The following PCMTD1 variants were observed in gnomAD, a reference collection of about 807,000 sequenced individuals.
PCMTD1 encodes protein-L-isoaspartate (D-aspartate) O-methyltransferase domain containing 1.
In PCMTD1, 12 loss-of-function variants were observed where a neutral mutation model predicts 37.6. The observed-to-expected ratio is 0.32, with a 90% CI of 0.20 to 0.52. The LOEUF (loss-of-function observed/expected upper bound fraction) is 0.52. Ranked by LOEUF, PCMTD1 falls within the 20% of genes least tolerant of loss-of-function variation. The pLI, the probability that PCMTD1 is intolerant of heterozygous loss-of-function variation, is 0.97. For synonymous variants in PCMTD1, 117 were observed against 135.8 expected, an observed-to-expected ratio of 0.86 and a Z score of 0.96; for missense variants, 235 against 421.3, an observed-to-expected ratio of 0.56 and a Z score of 3.87.
intron 1 of PCMTD1, among the ~76,000 whole-genome samples, chr8:51,861,941 T>C (rs769139215): frequency 6.6e-6 from 1 of 152,140 alleles, no homozygotes; most frequent in Non-Finnish European, 1.5e-5. Flanking sequence ...CTCAAACTCC[T>C]GAGCTCAAGA....
At chr8:51,886,060 C>G (rs2038861361) in intron 1 of PCMTD1, among the ~76,000 whole-genome samples, 1 of 152,220 alleles carries the variant, frequency 6.6e-6, no homozygotes, top group Non-Finnish European at 1.5e-5. Flanking sequence ...AAGGCTCTTT[C>G]CTCCAAACTG....
intron 3 of PCMTD1, among the ~76,000 whole-genome samples, chr8:51,842,820 C>G (rs2038166322): frequency 6.6e-6 from 1 of 151,996 alleles, no homozygotes; most frequent in South Asian, 2.1e-4. Context: ...AAGATCCAAA[C>G]CGGCAGCATA....
At chr8:51,861,990 A>G (rs796088469) in intron 1 of PCMTD1, among the ~76,000 whole-genome samples, 1 of 152,204 alleles carries the variant, frequency 6.6e-6, no homozygotes, top group Non-Finnish European at 1.5e-5. Flanking sequence ...CTGGGATAAC[A>G]GGCGTAAGCC....
At chr8:51,833,798 G>T in intron 3 of PCMTD1, 109 bp from the exon 4 acceptor site, 2 of 684,236 alleles carry the variant, frequency 2.9e-6, no homozygotes, top group South Asian at 2.7e-5. Context: ...TTAATTATAA[G>T]GATAAAATGA....
chr8:51,869,780 G>A (rs1448361014), intron 1 of PCMTD1, among the ~76,000 whole-genome samples: 10 of 152,154 alleles, frequency 6.6e-5, no homozygotes, highest in African/African-American at 2.4e-4. Flanking sequence ...GTCTGTTTGA[G>A]AAGGAAGTCA....
Position 51,817,792 on chromosome 8 carries a change from A to G in PCMTD1, c.*2559T>C, listed in dbSNP as rs1190362757. 3 of 455,998 alleles carry G rather than the reference A, an allele frequency of 6.6e-6. No homozygotes were observed. The highest frequency in any genetic ancestry group is 4.7e-5 in the South Asian group (3 of 64,418). The allele number at this position is 455,998 out of a possible 1,614,324, so 28.2% of individuals were successfully genotyped here. On this transcript the variant is annotated 3_prime_UTR_variant, in exon 6 of 6. Coordinates refer to ENST00000522514, the MANE Select transcript of PCMTD1 (RefSeq NM_052937.4). ...CCAATAAGCAGTATAGATTTAAATTATCTTCTTGGGTTGGTCTGAGGTTGC... is the reference window on the plus strand; with the variant it reads ...CCAATAAGCAGTATAGATTTAAATTGTCTTCTTGGGTTGGTCTGAGGTTGC...
chr8:51,822,756 G>A (rs1374249153), intron 5 of PCMTD1, among the ~76,000 whole-genome samples: 2 of 152,288 alleles, frequency 1.3e-5, no homozygotes, highest in South Asian at 2.1e-4. Context: ...AGCCCATCGT[G>A]ACATGCAAAG....
chr8:51,842,411 ACCTCTGCAT>A (rs1363145534), intron 3 of PCMTD1, among the ~76,000 whole-genome samples: 3 of 151,914 alleles, frequency 2.0e-5, no homozygotes, highest in Admixed American at 6.6e-5. Context: ...GCTTACTGCA[ACCTCTGCAT>A]CCTCCCACCT....
chr8:51,821,343 T>C (rs1326812397), intron 5 of PCMTD1, among the ~76,000 whole-genome samples: 2 of 152,210 alleles, frequency 1.3e-5, no homozygotes, highest in African/African-American at 4.8e-5. Flanking sequence ...CTCACTATAT[T>C]GCCTAGGCAG....
Position 51,871,140 on chromosome 8 carries a change from A to C in PCMTD1, c.-95-9894T>G, listed in dbSNP as rs184410400. Among the ~76,000 whole-genome samples, 13 of 152,322 alleles carry C rather than the reference A, an allele frequency of 8.5e-5. No homozygotes were observed. In the East Asian group the frequency reaches 2.3e-3, roughly 27 times the overall value. ...AGAAGACTGGAAAGGGGAAACAAAA[A>C]AACACTGCTTCTCAAATCTAGCAAA... On this transcript the variant is annotated intron_variant, in intron 1 of 5. Transcript: ENST00000522514.
chr8:51,875,596 A>C (rs1431892988), intron 1 of PCMTD1, among the ~76,000 whole-genome samples: 1 of 152,224 alleles, frequency 6.6e-6, no homozygotes, highest in African/African-American at 2.4e-5. Context: ...AGTCTAACAG[A>C]AAGTGCTCTT....
chr8:51,823,666 A>G (rs577618485), intron 5 of PCMTD1, among the ~76,000 whole-genome samples: 3 of 152,340 alleles, frequency 2.0e-5, no homozygotes, highest in Non-Finnish European at 4.4e-5. Flanking sequence ...TTAAATAGAA[A>G]AAGAAGGAAT....
At chr8:51,879,223 T>C (rs1338743705) in intron 1 of PCMTD1, among the ~76,000 whole-genome samples, 2 of 151,464 alleles carry the variant, frequency 1.3e-5, no homozygotes, top group East Asian at 3.9e-4. Context: ...ATCTGTCACT[T>C]GAGGGGAAAA....
chr8:51,863,963 TG>T (rs1000205483), intron 1 of PCMTD1, among the ~76,000 whole-genome samples: 5 of 150,684 alleles, frequency 3.3e-5, no homozygotes, highest in Admixed American at 2.0e-4. Context: ...AATGACTGCA[TG>T]GATTTTTAAA....
At chr8:51,879,902 G>T (rs745496855) in intron 1 of PCMTD1, among the ~76,000 whole-genome samples, 1 of 152,014 alleles carries the variant, frequency 6.6e-6, no homozygotes, top group Admixed American at 6.6e-5. Flanking sequence ...AAGGGCAAAG[G>T]CCAGGTGCAG....
At position 51,818,057 on chromosome 8, in the gene PCMTD1, G is replaced by C. The variant is rs1023189061; in HGVS notation, c.*2294C>G. ...TTTGCTACTTTTCCACCTATAAAGC[G>C]TAATTTTCCATATCAAGTAAACATA... On this transcript the variant is annotated 3_prime_UTR_variant, in exon 6 of 6. Coordinates refer to ENST00000522514, the MANE Select transcript of PCMTD1 (RefSeq NM_052937.4). The C allele has an allele frequency of 2.5e-6, 1 of 400,218 alleles. No individual in the cohort carries two copies. Among genetic ancestry groups the C allele is most frequent in the East Asian group, 7.6e-5 (1 of 13,114 alleles). The allele number at this position is 400,218 out of a possible 1,614,324, so 24.8% of individuals were successfully genotyped here. A position where few individuals can be genotyped will look rare whatever the true frequency, so the allele number is the denominator to read the frequency against.
intron 2 of PCMTD1, among the ~76,000 whole-genome samples, chr8:51,859,177 T>C (rs1459940549): frequency 1.3e-5 from 2 of 152,020 alleles, no homozygotes; most frequent in Non-Finnish European, 2.9e-5. Context: ...GGTATAAGGC[T>C]TGGACTCCAG....
rs141806120 is a variant in PCMTD1 at position 51,820,457 on chromosome 8, G to C, written c.968C>G (p.Ala323Gly). 117 of 1,613,758 alleles carry C rather than the reference G, an allele frequency of 7.3e-5. 1 individual carries two copies. The African/African-American group carries it at 1.4e-3, about 19-fold the overall frequency. The change falls in exon 6 of 6, where the codon GCA becomes GGA. Residue 323 changes from alanine to glycine, a missense_variant. Transcript: ENST00000522514. ...TTGAGGTGGCTCCTCTGGCTTCATT[G>C]CTTCATTGTGATCTTTTTCCTCCTC... ...KEEEEKDHNE[A>G]MKPEEPPQNL...
rs765127337 is a variant in PCMTD1, at chr8:51,817,947, T to C, written c.*2404A>G. ...CTCATCTGCAAAATAAACACCCAAATTAGATGATACTTACTGTTTTAACTA... is the reference window on the plus strand; with the variant it reads ...CTCATCTGCAAAATAAACACCCAAACTAGATGATACTTACTGTTTTAACTA... On this transcript the variant is annotated 3_prime_UTR_variant, in exon 6 of 6. Coordinates refer to ENST00000522514, the MANE Select transcript of PCMTD1 (RefSeq NM_052937.4). The C allele has an allele frequency of 4.4e-6, 2 of 456,678 alleles. No homozygotes were observed. Among genetic ancestry groups the C allele is most frequent in the Non-Finnish European group, 8.8e-6 (2 of 226,988 alleles). 28.3% of individuals were successfully genotyped at this position (456,678 alleles called of 1,614,324 possible).
Sources: gnomAD v4.1 joint callset for allele counts (sites outside exome capture counted in the v4.1 genomes callset) on GRCh38, gnomAD v4.1.1 for gene constraint, MANE v1.5 for transcripts, NCBI Gene and HGNC (gene_info 2026-07-23, HGNC 2026-07-21) for gene names.